The following KLHL22 variants were observed in gnomAD, a reference collection of about 807,000 sequenced individuals.
The protein encoded by KLHL22 is kelch-like protein 22.
KLHL22 carries 18 observed loss-of-function variants against 60.7 expected under a neutral mutation model. The observed-to-expected ratio is 0.30, with a 90% confidence interval of 0.20 to 0.44. The LOEUF is 0.44. Among genes scored for constraint, KLHL22 ranks in the 20% least tolerant of loss-of-function variants. The pLI is 1.00. For synonymous variants in KLHL22, 355 were observed against 354.5 expected (o/e 1.00, Z -0.01); for missense variants, 596 against 852.3 (o/e 0.70, Z 3.74).
chr22:20,476,478 T>C (rs1370992441), intron 2 of KLHL22, among the ~76,000 whole-genome samples: 1 of 142,300 alleles, frequency 7.0e-6, no homozygotes, highest in Non-Finnish European at 1.5e-5. Flanking sequence ...AGTGGCGCGA[T>C]CTCGGCTCAC....
intron 5 of KLHL22, chr22:20,450,290 C>T (rs2052955212): frequency 9.7e-7 from 1 of 1,035,008 alleles, no homozygotes; most frequent in Non-Finnish European, 1.5e-6. Flanking sequence ...GTAGTGATTA[C>T]TTCTGTGCCA....
chr22:20,476,712 CTTT>C (rs760025817), intron 2 of KLHL22, among the ~76,000 whole-genome samples: 2 of 120,040 alleles, frequency 1.7e-5, no homozygotes, highest in Admixed American at 8.7e-5. Context: ...CACGCCCGGC[CTTT>C]TTTTTTTTTT....
At position 20,446,520 on chromosome 22, in the gene KLHL22, T is replaced by C. The variant is rs1293290935; in HGVS notation, c.1462A>G (p.Met488Val). Residue 488 changes from methionine (M) to valine (V), a missense_variant, in exon 6 of 7, where the codon ATG becomes GTG. Coordinates refer to ENST00000328879, the MANE Select transcript of KLHL22 (RefSeq NM_032775.4). ...DGPVRRAWHG[M>V]ATLLNKLYVI... The stretch of plus-strand genomic sequence containing the variant: ...TACAGCTTGTTGAGGAGGGTTGCCA[T>C]GCCGTGCCAGGCGCGCCGCACAGGC... 1.2e-6 allele frequency: 2 copies of C among 1,613,528 alleles called. No homozygotes were observed. The highest frequency in any genetic ancestry group is 1.7e-6 in the Non-Finnish European group (2 of 1,180,002).
rs184662581 is a variant in KLHL22 at position 20,461,132 on chromosome 22, A to G, written c.1113-3132T>C. ...GTATGTTGTTTAAGTCACTCCATCT[A>G]TAGTATTTGTTATAGCAGCTGAAAC... is the stretch of plus-strand genomic sequence containing the variant. On this transcript the variant is annotated intron_variant, in intron 4 of 6. Transcript: ENST00000328879. Among the ~76,000 whole-genome samples, 318 of 152,354 alleles carry G rather than the reference A, an allele frequency of 2.1e-3. 2 individuals are homozygous for G. The highest frequency in any genetic ancestry group is 7.1e-3 in the African/African-American group (296 of 41,580).
At chr22:20,484,012 C>T (rs574022266) in intron 2 of KLHL22, 25 of 735,486 alleles carry the variant, frequency 3.4e-5, no homozygotes, top group Admixed American at 7.4e-5. Flanking sequence ...ACGCTGGCCA[C>T]GCTGCTGACC....
chr22:20,481,543 C>T (rs1463773621), intron 2 of KLHL22, among the ~76,000 whole-genome samples: 3 of 151,992 alleles, frequency 2.0e-5, no homozygotes, highest in South Asian at 2.1e-4. Context: ...ACTGCACTCC[C>T]GCCCGGGCGA....
chr22:20,458,499 T>C (rs1209258524), intron 4 of KLHL22, among the ~76,000 whole-genome samples: 1 of 146,326 alleles, frequency 6.8e-6, no homozygotes, highest in African/African-American at 2.5e-5. Context: ...ACCTGGGATA[T>C]GGACTTAGGC....
intron 4 of KLHL22, among the ~76,000 whole-genome samples, chr22:20,462,744 C>T (rs1435395732): frequency 2.6e-5 from 4 of 151,874 alleles, no homozygotes; most frequent in South Asian, 4.2e-4. Flanking sequence ...GTTCAGTAAT[C>T]CACAGGGCTA....
At chr22:20,473,869 CTG>C (rs369484996) in intron 2 of KLHL22, among the ~76,000 whole-genome samples, 198 of 152,312 alleles carry the variant, frequency 1.3e-3, no homozygotes, top group Middle Eastern at 6.8e-3. Context: ...GAGTGAAACT[CTG>C]TCACACACAC....
At chr22:20,478,049 C>T (rs5754661) in intron 2 of KLHL22, among the ~76,000 whole-genome samples, 54,352 of 151,784 alleles carry the variant, frequency 0.36, 9,904 homozygotes, top group East Asian at 0.46. Context: ...AAGCCAAGAG[C>T]ACAGTTGTTC....
rs753782784 is a variant in KLHL22, at chr22:20,442,083, C to A, written c.1895G>T (p.Ser632Ile). ...VSDWEEFDNS[S>I]ED ...CCAGGCACAGGGAGCCTAGTCCTCA[C>A]TGGAGTTGTCAAACTCCTCCCAGTC... The change falls in exon 7 of 7, where the codon AGT (serine) becomes ATT (isoleucine). Residue 632 changes from serine (S) to isoleucine (I), a missense_variant. Coordinates refer to ENST00000328879, the MANE Select transcript of KLHL22 (RefSeq NM_032775.4). 2.0e-6 allele frequency: 3 copies of A among 1,508,288 alleles called. No individual in the cohort carries two copies. Among genetic ancestry groups the A allele is most frequent in the African/African-American group, 1.4e-5 (1 of 71,344 alleles). 93.4% of individuals were successfully genotyped at this position (1,508,288 alleles called of 1,614,324 possible). A position where few individuals can be genotyped will look rare whatever the true frequency, so the allele number is the denominator to read the frequency against.
chr22:20,465,277 C>T lies in KLHL22; in HGVS notation c.693G>A (p.Gln231=). The change falls in exon 4 of 7, where the codon CAG becomes CAA. Residue 231 remains glutamine, a synonymous_variant. Coordinates refer to ENST00000328879, the MANE Select transcript of KLHL22 (RefSeq NM_032775.4). The surrounding 1 kb of genome is among the most constrained non-coding windows in gnomAD (Gnocchi z 4.9). The stretch of plus-strand genomic sequence containing the variant: ...GCTTTGGGGGCTCGTGCAGCGAGAT[C>T]TGGTCAGCCTGCACCTGCTCCAGGC... ...HYSLEQVQAD[Q]ISLHEPPKLL... The T allele has an allele frequency of 6.2e-7, 1 of 1,614,066 alleles. No homozygotes were observed. The highest frequency in any genetic ancestry group is 8.5e-7 in the Non-Finnish European group (1 of 1,180,022).
chr22:20,493,257 A>G (rs1384611502), intron 1 of KLHL22: 1 of 470,804 alleles, frequency 2.1e-6, no homozygotes, highest in Non-Finnish European at 4.4e-6. Context: ...GACATCTTCC[A>G]TGGGCAGGCA....
chr22:20,464,260 G>A (rs149539864), intron 4 of KLHL22, among the ~76,000 whole-genome samples: 13 of 152,346 alleles, frequency 8.5e-5, no homozygotes, highest in South Asian at 4.1e-4. Context: ...TGCCAAGTGC[G>A]TGGCAGACTG....
Position 20,442,311 on chromosome 22 carries a change from C to T in KLHL22, c.1667G>A (p.Arg556His), listed in dbSNP as rs570202770. ...IYVLGGRSHN[R>H]GSRTGYVHIY... is the part of the protein sequence containing the mutation. Reference sequence around the variant, plus strand: ...GTGCACGTAGCCTGTGCGGCTGCCGCGGTTGTGTGAGCGGCCACCTAACAC... The same window carrying T: ...GTGCACGTAGCCTGTGCGGCTGCCGTGGTTGTGTGAGCGGCCACCTAACAC... Residue 556 changes from arginine to histidine, a missense_variant, in exon 7 of 7, where the codon CGC becomes CAC. Coordinates refer to ENST00000328879, the MANE Select transcript of KLHL22 (RefSeq NM_032775.4). The T allele has an allele frequency of 7.4e-6, 12 of 1,613,970 alleles. No homozygotes were observed. Among genetic ancestry groups the T allele is most frequent in the South Asian group, 2.2e-5 (2 of 91,072 alleles).
At chr22:20,462,583 C>T (rs2053173926) in intron 4 of KLHL22, among the ~76,000 whole-genome samples, 1 of 150,024 alleles carries the variant, frequency 6.7e-6, no homozygotes, top group African/African-American at 2.5e-5. Context: ...TGATCTTGAA[C>T]TCCTGGGCTC....
At chr22:20,451,412 G>A in intron 5 of KLHL22, 2 of 1,609,702 alleles carry the variant, frequency 1.2e-6, no homozygotes, top group Non-Finnish European at 1.7e-6. Context: ...CACTGTCTAG[G>A]AGGATATGAC....
intron 2 of KLHL22, among the ~76,000 whole-genome samples, chr22:20,484,898 G>C (rs942750398): frequency 6.6e-6 from 1 of 151,820 alleles, no homozygotes; most frequent in African/African-American, 2.4e-5. Flanking sequence ...ACCATGCCCA[G>C]CTAATTAAAA....
In KLHL22 at chr22:20,471,364, C is replaced by A. The variant is rs1425779008; in HGVS notation, c.379G>T (p.Ala127Ser). The A allele has an allele frequency of 3.1e-6, 5 of 1,613,602 alleles. No homozygotes were observed. The highest frequency in any genetic ancestry group is 4.2e-6 in the Non-Finnish European group (5 of 1,179,658). The change falls in exon 3 of 7, where the codon GCC becomes TCC. Residue 127 changes from alanine to serine, a missense_variant. Physicochemically the swap from Ala to Ser is moderately conservative, Grantham distance 99 (BLOSUM62 1). Transcript: ENST00000328879. ...ACATGCCTCACCTGAAGCTGGCAGG[C>A]AGCCACCAGTGTCTCTTGTACATTG... ...LSNVQETLVA[A>S]CQLQIPEIIH...
Sources: allele counts gnomAD v4.1 joint callset (sites outside exome capture counted in the v4.1 genomes callset), GRCh38; gene constraint gnomAD v4.1.1; non-coding constraint Gnocchi (gnomAD v3.1); transcripts MANE v1.5; gene names NCBI Gene and HGNC (gene_info 2026-07-23, HGNC 2026-07-21).